DMD: variants seen among roughly 807,000 people sequenced by gnomAD.
DMD encodes the protein mutant dystrophin.
A neutral mutation model predicts 330.1 loss-of-function variants in DMD; 63 were observed. That is an observed-to-expected ratio of 0.19 (90% CI 0.16 to 0.24). The LOEUF (loss-of-function observed/expected upper bound fraction) is 0.24, where lower values mean the gene tolerates loss of function less well. Ranked by LOEUF, DMD falls within the 10% of genes least tolerant of loss-of-function variation. The probability of loss-of-function intolerance (pLI) is 1.00; values close to 1 mark genes in which losing one functional copy is unlikely to be tolerated. For missense variants in DMD, 3,344 were observed against 2,684.1 expected (o/e 1.25, Z -5.43); for synonymous variants, 1,223 against 959.8 (o/e 1.27, Z -5.07).
chrX:32,680,058 C>T (rs754871021), intron 9 of DMD, among the ~76,000 whole-genome samples: 1 of 107,126 alleles, frequency 9.3e-6, no homozygotes, highest in African/African-American at 3.4e-5. Context: ...GGAATACAGG[C>T]ATGTGCCACC....
intron 24 of DMD, 101 bp downstream of exon 24, chrX:32,464,485 G>T (rs1177785934): frequency 4.8e-6 from 3 of 624,927 alleles, no homozygotes; most frequent in African/African-American, 4.5e-5. Context: ...AATCCACTGG[G>T]GAGAGGAGAG....
At chrX:31,574,030 TCA>T (rs2075960216) in intron 55 of DMD, among the ~76,000 whole-genome samples, 2 of 110,855 alleles carry the variant, frequency 1.8e-5, no homozygotes. Context: ...TGAAGGAAAA[TCA>T]CACAGTTTGA....
At chrX:32,849,187 C>G (rs775308745) in intron 3 of DMD, among the ~76,000 whole-genome samples, 2 of 111,564 alleles carry the variant, frequency 1.8e-5, no homozygotes, top group African/African-American at 3.3e-5. Context: ...CTTTCCCCCC[C>G]CAGTGTAAGA....
intron 11 of DMD, among the ~76,000 whole-genome samples, chrX:32,624,814 G>A (rs943058518): frequency 3.6e-5 from 4 of 112,054 alleles, no homozygotes; most frequent in South Asian, 3.7e-4. Context: ...ACATGAAAAC[G>A]TATCTGTATG....
At chrX:32,479,705 A>G (rs957633949) in intron 21 of DMD, among the ~76,000 whole-genome samples, 1 of 109,505 alleles carries the variant, frequency 9.1e-6, no homozygotes, top group Non-Finnish European at 1.9e-5. Flanking sequence ...ATATGTCACT[A>G]TATATATCAG....
intron 43 of DMD, among the ~76,000 whole-genome samples, chrX:32,230,315 G>T (rs1338553881): frequency 8.9e-6 from 1 of 112,164 alleles, no homozygotes; most frequent in African/African-American, 3.2e-5. Context: ...CGCGATCTCG[G>T]CTCACTACAA....
intron 7 of DMD, among the ~76,000 whole-genome samples, chrX:32,768,397 C>T (rs2073239698): frequency 9.0e-6 from 1 of 111,608 alleles, no homozygotes; most frequent in Admixed American, 9.5e-5. Context: ...TTTGCCCACT[C>T]GTGGGTTTCA....
chrX:31,341,882 TGC>T (rs764854573), intron 61 of DMD, among the ~76,000 whole-genome samples: 37 of 82,703 alleles, frequency 4.5e-4, no homozygotes, highest in African/African-American at 1.4e-3. Context: ...CGCGCGTGCG[TGC>T]GCGCGCGCAC....
intron 17 of DMD, among the ~76,000 whole-genome samples, chrX:32,523,179 T>C (rs1956591487): frequency 9.0e-6 from 1 of 111,223 alleles, no homozygotes; most frequent in Non-Finnish European, 1.9e-5. Flanking sequence ...CCCCAAAGTA[T>C]GGCACTTTGG....
At chrX:33,023,621 G>A (rs1226776326) in intron 1 of DMD, among the ~76,000 whole-genome samples, 1 of 111,616 alleles carries the variant, frequency 9.0e-6, no homozygotes, top group African/African-American at 3.3e-5. Context: ...TATTCTGTAT[G>A]TTCCTATTTT....
chrX:32,547,425 A>T (rs2049085119), intron 16 of DMD, among the ~76,000 whole-genome samples: 1 of 111,290 alleles, frequency 9.0e-6, no homozygotes, highest in African/African-American at 3.3e-5. Context: ...TTAATAAAAG[A>T]GTAGTAAGAC....
chrX:33,332,009 G>T (rs1337260978), intron 1 of DMD, among the ~76,000 whole-genome samples: 1 of 111,528 alleles, frequency 9.0e-6, no homozygotes, highest in Non-Finnish European at 1.9e-5. Flanking sequence ...AATGTATGGA[G>T]TTATAAAAAA....
chrX:32,400,464 T>C (rs1258784402), intron 30 of DMD, among the ~76,000 whole-genome samples: 1 of 111,273 alleles, frequency 9.0e-6, no homozygotes, highest in Non-Finnish European at 1.9e-5. Context: ...AGAATGATGC[T>C]GGCCTCATAA....
intron 44 of DMD, among the ~76,000 whole-genome samples, chrX:32,195,098 C>T (rs2096993164): frequency 9.0e-6 from 1 of 110,887 alleles, no homozygotes; most frequent in Non-Finnish European, 1.9e-5. Flanking sequence ...TTTTTGGAGA[C>T]AGAAGTTGCA....
chrX:31,728,076 G>A (rs1200775159), intron 52 of DMD, among the ~76,000 whole-genome samples: 1 of 112,571 alleles, frequency 8.9e-6, no homozygotes, highest in African/African-American at 3.2e-5. Context: ...AGGCTGGAGT[G>A]CAGTGGCGCA....
intron 9 of DMD, among the ~76,000 whole-genome samples, chrX:32,681,581 C>T (rs1265622413): frequency 9.0e-6 from 1 of 111,724 alleles, no homozygotes; most frequent in East Asian, 2.8e-4. Flanking sequence ...ATTAGATTCA[C>T]GGGCAGCTGC....
intron 7 of DMD, among the ~76,000 whole-genome samples, chrX:32,790,295 G>T (rs544106619): frequency 2.7e-5 from 3 of 112,091 alleles, no homozygotes; most frequent in South Asian, 3.7e-4. Flanking sequence ...TAGGAGTCTG[G>T]AGAGGCTCCC....
rs111228307 is a variant in DMD, at chrX:32,818,210, G to A, written c.358-1570C>T. 5.7e-3 allele frequency among the ~76,000 whole-genome samples: 636 copies of A among 111,878 alleles called. 1 individual carries two copies. The highest frequency in any genetic ancestry group is 0.02 in the African/African-American group (603 of 30,803). ...ATCAAGCAATCCTCCAATGATGAAT[G>A]TGATTCATTTGTGAAATGCTTGGCC... On this transcript the variant is annotated intron_variant, in intron 5 of 78. Coordinates refer to ENST00000357033, the MANE Select transcript of DMD (RefSeq NM_004006.3).
intron 55 of DMD, among the ~76,000 whole-genome samples, chrX:31,549,675 G>T (rs1450167573): frequency 1.8e-5 from 2 of 112,223 alleles, no homozygotes; most frequent in African/African-American, 6.5e-5. Flanking sequence ...ATCCTATGTT[G>T]TCACAAAAGA....
Sources: gnomAD v4.1 joint callset for allele counts (sites outside exome capture counted in the v4.1 genomes callset) on GRCh38, gnomAD v4.1.1 for gene constraint, MANE v1.5 for transcripts, NCBI Gene and HGNC (gene_info 2026-07-23, HGNC 2026-07-21) for gene names.